The following MYO1B variants were observed in gnomAD, a reference collection of about 807,000 sequenced individuals.
The protein encoded by MYO1B is myosin IB, also known as unconventional myosin-Ib.
A neutral mutation model predicts 159.7 loss-of-function variants in MYO1B; 72 were observed. The observed-to-expected ratio is 0.45, with a 90% CI of 0.37 to 0.55. The LOEUF is 0.55. MYO1B is among the 20% of genes least tolerant of loss of function. The pLI is 0.00. For missense variants in MYO1B, 1,062 were observed against 1,364.8 expected (o/e 0.78, Z 3.50); for synonymous variants, 468 against 473.8 (o/e 0.99, Z 0.16).
chr2:191,367,271 C>T (rs1694069514), intron 11 of MYO1B, among the ~76,000 whole-genome samples: 1 of 152,094 alleles, frequency 6.6e-6, no homozygotes, highest in Admixed American at 6.5e-5. Flanking sequence ...CTCAGGAAGT[C>T]AGGGGTGGCA....
At chr2:191,292,954 C>T (rs1451193670) in intron 2 of MYO1B, among the ~76,000 whole-genome samples, 1 of 152,204 alleles carries the variant, frequency 6.6e-6, no homozygotes, top group Non-Finnish European at 1.5e-5. Flanking sequence ...CATCTGGTGT[C>T]CTTACTGGGG....
At position 191,369,595 on chromosome 2, in the gene MYO1B, A is replaced by G. The variant is rs1574529707; in HGVS notation, c.1086A>G (p.Ser362=). ...AAAACCTCTACAGCAGGTTGTTTTC[A>G]TGGTTGGTAAATCGAATCAATGAAA... ...LAKNLYSRLF[S]WLVNRINESI... The change falls in exon 12 of 31, where the codon TCA becomes TCG. Residue 362 remains serine (S), a synonymous_variant. Coordinates refer to ENST00000392318, the MANE Select transcript of MYO1B (RefSeq NM_001130158.3). 1.9e-6 allele frequency: 3 copies of G among 1,613,420 alleles called. No individual in the cohort carries two copies. The highest frequency in any genetic ancestry group is 4.5e-5 in the East Asian group (2 of 44,844).
intron 3 of MYO1B, among the ~76,000 whole-genome samples, chr2:191,328,851 C>G (rs1015420515): frequency 2.0e-5 from 3 of 152,152 alleles, no homozygotes; most frequent in South Asian, 4.1e-4. Flanking sequence ...TTTTCCACCT[C>G]TTGAGTTTCT....
intron 11 of MYO1B, among the ~76,000 whole-genome samples, chr2:191,367,761 AAAAGG>A (rs1468967607): frequency 6.6e-6 from 1 of 152,212 alleles, no homozygotes; most frequent in East Asian, 1.9e-4. Context: ...TATAAGAAGA[AAAAGG>A]AAAGGATTTG....
chr2:191,248,567 T>C (rs1001892519), intron 1 of MYO1B, among the ~76,000 whole-genome samples: 1 of 152,206 alleles, frequency 6.6e-6, no homozygotes, highest in African/African-American at 2.4e-5. Context: ...CCCAGCATTG[T>C]GATGGGGTAT....
chr2:191,381,602 C>CT, intron 14 of MYO1B, 36 bp downstream of exon 14: 1 of 1,413,250 alleles, frequency 7.1e-7, no homozygotes, highest in Non-Finnish European at 9.9e-7. Flanking sequence ...AGTGTTGGTC[C>CT]TTTTTTACTC....
At chr2:191,357,347 G>C (rs1460260306) in intron 7 of MYO1B, among the ~76,000 whole-genome samples, 1 of 152,156 alleles carries the variant, frequency 6.6e-6, no homozygotes. Flanking sequence ...TAACGGCCAG[G>C]CTCCGTGTCG....
intron 27 of MYO1B, among the ~76,000 whole-genome samples, chr2:191,413,567 T>TCCCA (rs1697380049): frequency 6.6e-6 from 1 of 152,226 alleles, no homozygotes; most frequent in Non-Finnish European, 1.5e-5. Context: ...GAAGGCCTAT[T>TCCCA]GATTTTCTTA....
chr2:191,383,494 G>GCA, intron 15 of MYO1B, 152 bp downstream of exon 15: 1 of 65,876 alleles, frequency 1.5e-5, no homozygotes, highest in African/African-American at 4.9e-5. Flanking sequence ...ATATATATGT[G>GCA]TATATATATA....
rs779294020 is a variant in MYO1B, at chr2:191,390,274, A to G, written c.1782-18A>G. On this transcript the variant is annotated intron_variant, in intron 17 of 30. Coordinates refer to ENST00000392318, the MANE Select transcript of MYO1B (RefSeq NM_001130158.3). ...CATAGGAGGCAGTTTATAACCTAAA[A>G]TCTTTGTGATCTTTAAGGTGTATCA... 2 of 1,603,038 alleles carry G rather than the reference A, an allele frequency of 1.2e-6. No homozygotes were observed. The highest frequency in any genetic ancestry group is 4.5e-5 in the East Asian group (2 of 44,686).
intron 21 of MYO1B, among the ~76,000 whole-genome samples, chr2:191,398,723 G>A (rs1696374544): frequency 6.6e-6 from 1 of 151,734 alleles, no homozygotes; most frequent in African/African-American, 2.4e-5. Context: ...CGGGGAAGAG[G>A]CGCTCCTCGC....
At chr2:191,318,834 A>C (rs1273962594) in intron 3 of MYO1B, among the ~76,000 whole-genome samples, 1 of 152,230 alleles carries the variant, frequency 6.6e-6, no homozygotes, top group Admixed American at 6.5e-5. Flanking sequence ...GGAAGCATGC[A>C]AGAGTTGTTT....
chr2:191,258,548 T>G (rs1228651677), intron 1 of MYO1B, among the ~76,000 whole-genome samples: 1 of 152,214 alleles, frequency 6.6e-6, no homozygotes. Flanking sequence ...ATTTTTCAAC[T>G]GCATTTTAAA....
In MYO1B at chr2:191,363,766, T is replaced by A. The variant is rs760827028; in HGVS notation, c.804T>A (p.Ala268=). The A allele has an allele frequency of 6.2e-7, 1 of 1,613,920 alleles. No individual in the cohort carries two copies. Residue 268 remains alanine, a synonymous_variant, in exon 10 of 31, where the codon GCT becomes GCA. Transcript: ENST00000392318. ...MQIVGFMDHE[A]ESVLAVVAAV... ...TTGTGGGCTTTATGGATCATGAAGCTGAGTCTGTCTTGGCGGTGGTGGCAG... is the reference window on the plus strand; with the variant it reads ...TTGTGGGCTTTATGGATCATGAAGCAGAGTCTGTCTTGGCGGTGGTGGCAG...
intron 20 of MYO1B, 37 bp from the exon 21 acceptor site, chr2:191,396,392 A>C (rs1169906444): frequency 6.3e-7 from 1 of 1,595,796 alleles, no homozygotes; most frequent in African/African-American, 1.3e-5. Context: ...ACAGATATTA[A>C]CTACAACTGC....
intron 3 of MYO1B, among the ~76,000 whole-genome samples, chr2:191,329,222 AG>A (rs1691300655): frequency 6.6e-6 from 1 of 152,200 alleles, no homozygotes; most frequent in South Asian, 2.1e-4. Context: ...CTTACTTGAT[AG>A]AGGCCCTTTG....
chr2:191,255,901 AAGGTC>A (rs1405863482), intron 1 of MYO1B, among the ~76,000 whole-genome samples: 2 of 152,072 alleles, frequency 1.3e-5, no homozygotes, highest in African/African-American at 4.8e-5. Context: ...GGGGTCCTTT[AAGGTC>A]AGGTCAGGTC....
At chr2:191,363,107 C>T (rs1693778246) in intron 9 of MYO1B, among the ~76,000 whole-genome samples, 1 of 152,126 alleles carries the variant, frequency 6.6e-6, no homozygotes, top group African/African-American at 2.4e-5. Flanking sequence ...CAGCTGTTCT[C>T]AAAAAGAAAG....
intron 1 of MYO1B, among the ~76,000 whole-genome samples, chr2:191,260,104 G>T (rs751310014): frequency 6.6e-6 from 1 of 152,050 alleles, no homozygotes; most frequent in East Asian, 1.9e-4. Flanking sequence ...AAAATAAGGA[G>T]TGTCCGGAGG....
Sources: allele counts gnomAD v4.1 joint callset (sites outside exome capture counted in the v4.1 genomes callset), GRCh38; gene constraint gnomAD v4.1.1; transcripts MANE v1.5; gene names NCBI Gene and HGNC (gene_info 2026-07-23, HGNC 2026-07-21).